The following OR2L13 variants were observed in gnomAD, a reference collection of about 807,000 sequenced individuals.
OR2L13 encodes the protein olfactory receptor family 2 subfamily L member 13.
In OR2L13, 14 loss-of-function variants were observed where a neutral mutation model predicts 15.3. That is an observed-to-expected ratio of 0.91 (90% CI 0.60 to 1.43). The LOEUF (loss-of-function observed/expected upper bound fraction) is 1.43, where lower values mean the gene tolerates loss of function less well. Among genes scored for constraint, OR2L13 ranks in the 40% most tolerant of loss-of-function variants. OR2L13 has a pLI of 0.00. For missense variants in OR2L13, 367 were observed against 387.9 expected, an observed-to-expected ratio of 0.95 and a Z score of 0.45; for synonymous variants, 152 against 142.9, an observed-to-expected ratio of 1.06 and a Z score of -0.45.
the OR2L13 span, among the ~76,000 whole-genome samples, chr1:247,967,989 C>A: frequency 1.3e-5 from 2 of 151,868 alleles, no homozygotes; most frequent in African/African-American, 2.4e-5. Context: ...TCTCCTTCTT[C>A]TTCCTTTTAA....
chr1:247,975,195 A>G, the OR2L13 span: 6 of 395,130 alleles, frequency 1.5e-5, no homozygotes, highest in Non-Finnish European at 2.5e-5. Context: ...AATGGGCTCT[A>G]TCGACACTTG....
At chr1:248,047,534 T>C in the OR2L13 span, among the ~76,000 whole-genome samples, 1 of 152,220 alleles carries the variant, frequency 6.6e-6, no homozygotes, top group Non-Finnish European at 1.5e-5. Context: ...GTATGATTAG[T>C]AGCTGTGCTA....
the OR2L13 span, chr1:247,939,236 C>T: frequency 6.6e-6 from 1 of 152,254 alleles, no homozygotes; most frequent in East Asian, 1.9e-4. Context: ...ATCAGATTCT[C>T]TTATGTAGAA....
At chr1:248,053,966 AT>A in the OR2L13 span, among the ~76,000 whole-genome samples, 1 of 152,068 alleles carries the variant, frequency 6.6e-6, no homozygotes. Flanking sequence ...GTTTAGTTAG[AT>A]CCCATTTGTC....
At chr1:248,010,588 G>C in the OR2L13 span, among the ~76,000 whole-genome samples, 1 of 151,784 alleles carries the variant, frequency 6.6e-6, no homozygotes, top group African/African-American at 2.4e-5. Flanking sequence ...CTAAGAACTT[G>C]CTTTATGAAT....
the OR2L13 span, among the ~76,000 whole-genome samples, chr1:247,944,122 A>G: frequency 6.6e-6 from 1 of 152,002 alleles, no homozygotes; most frequent in Non-Finnish European, 1.5e-5. Context: ...TGAGTCTTTA[A>G]ATTTTGTTCT....
the OR2L13 span, among the ~76,000 whole-genome samples, chr1:247,987,946 A>G: frequency 6.6e-6 from 1 of 152,132 alleles, no homozygotes; most frequent in African/African-American, 2.4e-5. Context: ...ACATACATGC[A>G]TGTATTTCTT....
chr1:248,006,919 C>A, the OR2L13 span, among the ~76,000 whole-genome samples: 1 of 152,150 alleles, frequency 6.6e-6, no homozygotes, highest in East Asian at 1.9e-4. Flanking sequence ...ACACATTTCT[C>A]TTGTTTATAG....
chr1:247,956,958 C>T, the OR2L13 span, among the ~76,000 whole-genome samples: 10 of 152,216 alleles, frequency 6.6e-5, no homozygotes, highest in African/African-American at 2.4e-4. Flanking sequence ...CCTGATTGCC[C>T]TGGCCAGAAC....
the OR2L13 span, among the ~76,000 whole-genome samples, chr1:247,978,221 G>A: frequency 6.6e-6 from 1 of 152,094 alleles, no homozygotes; most frequent in East Asian, 1.9e-4. Context: ...CGAACCCACC[G>A]GAAGGAACAA....
chr1:247,950,185 T>C, the OR2L13 span, among the ~76,000 whole-genome samples: 1 of 152,206 alleles, frequency 6.6e-6, no homozygotes, highest in African/African-American at 2.4e-5. Context: ...CAAAAATCTC[T>C]TGACTTGGTG....
At chr1:248,014,149 A>G in the OR2L13 span, among the ~76,000 whole-genome samples, 4 of 152,132 alleles carry the variant, frequency 2.6e-5, no homozygotes, top group African/African-American at 9.7e-5. Flanking sequence ...GTAATTAATT[A>G]TATGATGCTT....
the OR2L13 span, among the ~76,000 whole-genome samples, chr1:248,065,205 C>T: frequency 2.0e-5 from 3 of 152,246 alleles, no homozygotes; most frequent in East Asian, 3.9e-4. Context: ...CCAAATGTTA[C>T]GCTGTGGTTA....
the OR2L13 span, among the ~76,000 whole-genome samples, chr1:248,065,169 C>G: frequency 6.6e-6 from 1 of 152,220 alleles, no homozygotes; most frequent in African/African-American, 2.4e-5. Flanking sequence ...TTCATTGTGC[C>G]TCGTTTTAGC....
the OR2L13 span, among the ~76,000 whole-genome samples, chr1:247,973,370 T>G: frequency 6.6e-6 from 1 of 152,168 alleles, no homozygotes; most frequent in African/African-American, 2.4e-5. Context: ...ATTGTATACT[T>G]AGAAATCCCC....
the OR2L13 span, chr1:248,023,348 A>T: frequency 6.6e-6 from 1 of 152,430 alleles, no homozygotes; most frequent in African/African-American, 2.4e-5. Flanking sequence ...TTTATTAATA[A>T]ATTTACCTCA....
At chr1:247,968,574 T>C in the OR2L13 span, among the ~76,000 whole-genome samples, 1 of 131,358 alleles carries the variant, frequency 7.6e-6, no homozygotes, top group South Asian at 2.6e-4. Context: ...AATTCCCACC[T>C]ATGACTGAGA....
chr1:248,096,382 CA>C (rs199591339), upstream of OR2L13, among the ~76,000 whole-genome samples: 21,729 of 114,082 alleles, frequency 0.19, 2,199 homozygotes, highest in African/African-American at 0.35. Flanking sequence ...GACTCTGTCT[CA>C]AAAAAAAAAA....
the OR2L13 span, among the ~76,000 whole-genome samples, chr1:248,053,753 CT>C: frequency 6.6e-6 from 1 of 152,004 alleles, no homozygotes; most frequent in African/African-American, 2.4e-5. Flanking sequence ...ATACCTATGT[CT>C]TTTTTTTGAG....
Sources: allele counts gnomAD v4.1 joint callset (sites outside exome capture counted in the v4.1 genomes callset), GRCh38; gene constraint gnomAD v4.1.1; transcripts MANE v1.5; gene names NCBI Gene and HGNC (gene_info 2026-07-23, HGNC 2026-07-21).